The following ROBO1 variants were observed in gnomAD, a reference collection of about 807,000 sequenced individuals.
ROBO1 encodes the protein roundabout guidance receptor 1.
A neutral mutation model predicts 195.9 loss-of-function variants in ROBO1; 149 were observed. That is an observed-to-expected ratio of 0.76 (90% CI 0.67 to 0.87). The LOEUF is 0.87. Ranked by LOEUF, ROBO1 falls within the 40% of genes least tolerant of loss-of-function variation. The pLI, the probability that ROBO1 is intolerant of heterozygous loss-of-function variation, is 0.00. For synonymous variants in ROBO1, 816 were observed against 733.2 expected, an observed-to-expected ratio of 1.11 and a Z score of -1.82; for missense variants, 1,933 against 2,068.3, an observed-to-expected ratio of 0.93 and a Z score of 1.27.
chr3:78,659,889 T>C (rs1467913761), intron 16 of ROBO1, 82 bp from the exon 17 acceptor site: 3 of 1,084,590 alleles, frequency 2.8e-6, no homozygotes, highest in African/African-American at 1.6e-5. Flanking sequence ...AACCCAATAA[T>C]AGATGTATTA....
chr3:79,369,232 CCTT>C (rs2036097089), intron 2 of ROBO1, among the ~76,000 whole-genome samples: 2 of 152,124 alleles, frequency 1.3e-5, no homozygotes, highest in African/African-American at 4.8e-5. Context: ...CTGTCTTTTT[CCTT>C]CTTCCTGCTT....
At chr3:79,520,170 AAAAG>A (rs1187790861) in intron 2 of ROBO1, among the ~76,000 whole-genome samples, 6 of 151,664 alleles carry the variant, frequency 4.0e-5, no homozygotes, top group Admixed American at 3.9e-4. Flanking sequence ...AAAAAAAAAA[AAAAG>A]AGAGAGAGAG....
intron 2 of ROBO1, among the ~76,000 whole-genome samples, chr3:79,501,535 G>C (rs1057230790): frequency 6.6e-6 from 1 of 152,178 alleles, no homozygotes; most frequent in Non-Finnish European, 1.5e-5. Flanking sequence ...TCAGTGGAGA[G>C]AGCAGCTCTG....
chr3:78,672,467 CT>C (rs1323190314), intron 10 of ROBO1, among the ~76,000 whole-genome samples: 4 of 151,606 alleles, frequency 2.6e-5, no homozygotes, highest in Non-Finnish European at 4.4e-5. Flanking sequence ...TGGTGTGCAC[CT>C]GTAGTCCCAG....
At chr3:78,995,243 C>A (rs2077334924) in intron 3 of ROBO1, among the ~76,000 whole-genome samples, 2 of 152,156 alleles carry the variant, frequency 1.3e-5, no homozygotes, top group South Asian at 4.1e-4. Flanking sequence ...TTGATTTCTA[C>A]CTGCAAAGTA....
At position 79,730,927 on chromosome 3, in the gene ROBO1, G is replaced by T. The variant is rs552979352; in HGVS notation, c.-51+36825C>A. 2.5e-3 allele frequency among the ~76,000 whole-genome samples: 382 copies of T among 151,802 alleles called. 3 individuals are homozygous for T. The highest frequency in any genetic ancestry group is 3.6e-3 in the Non-Finnish European group (244 of 67,888). ...CAAGTAGCTGGGACTACAGGTGCCC[G>T]CCACCACGCCCAGCTAATTTTTTGT... is the stretch of plus-strand genomic sequence containing the variant. On this transcript the variant is annotated intron_variant, in intron 1 of 30. Transcript: ENST00000464233.
chr3:79,592,886 C>T (rs1199508362), intron 1 of ROBO1, among the ~76,000 whole-genome samples: 1 of 152,028 alleles, frequency 6.6e-6, no homozygotes, highest in Non-Finnish European at 1.5e-5. Context: ...CTTTGTGCTT[C>T]ATCTATTCAT....
chr3:78,740,089 A>C (rs1283930844), intron 5 of ROBO1, among the ~76,000 whole-genome samples: 1 of 152,156 alleles, frequency 6.6e-6, no homozygotes, highest in Non-Finnish European at 1.5e-5. Flanking sequence ...AAATGGGTGA[A>C]TATACATAAA....
chr3:78,674,850 A>G (rs1708298753), intron 10 of ROBO1, among the ~76,000 whole-genome samples: 1 of 152,110 alleles, frequency 6.6e-6, no homozygotes, highest in African/African-American at 2.4e-5. Flanking sequence ...CCTATATATA[A>G]GTTGCTTTAC....
chr3:78,648,833 T>A (rs1021478240), intron 19 of ROBO1, among the ~76,000 whole-genome samples: 1 of 152,112 alleles, frequency 6.6e-6, no homozygotes, highest in Non-Finnish European at 1.5e-5. Flanking sequence ...CATTTGAACA[T>A]CTCCAAGAAA....
intron 2 of ROBO1, among the ~76,000 whole-genome samples, chr3:79,141,549 A>G (rs1407272423): frequency 7.0e-6 from 1 of 143,744 alleles, no homozygotes; most frequent in African/African-American, 2.6e-5. Flanking sequence ...GAGAGTGGCA[A>G]TGGTGGTTGC....
intron 3 of ROBO1, among the ~76,000 whole-genome samples, chr3:78,971,853 C>T (rs553524032): frequency 2.0e-5 from 3 of 152,260 alleles, no homozygotes; most frequent in Middle Eastern, 3.4e-3. Flanking sequence ...ACAACCTTCG[C>T]CTCCTGGGCT....
chr3:79,601,583 C>T (rs1004402259), intron 1 of ROBO1, among the ~76,000 whole-genome samples: 2 of 151,870 alleles, frequency 1.3e-5, no homozygotes, highest in Non-Finnish European at 2.9e-5. Context: ...CGAACACAGA[C>T]ATGTATGCAA....
At chr3:79,176,231 T>G (rs531291259) in intron 2 of ROBO1, among the ~76,000 whole-genome samples, 12 of 152,224 alleles carry the variant, frequency 7.9e-5, no homozygotes, top group Admixed American at 2.0e-4. Flanking sequence ...TGTTCCCTGA[T>G]GTGTATTTGT....
At chr3:78,783,052 GTTTA>G (rs1050551404) in intron 4 of ROBO1, among the ~76,000 whole-genome samples, 18 of 152,076 alleles carry the variant, frequency 1.2e-4, no homozygotes, top group East Asian at 7.7e-4. Context: ...ATAGATTTTT[GTTTA>G]TTTATTTATT....
intron 1 of ROBO1, among the ~76,000 whole-genome samples, chr3:79,673,763 T>G (rs1263567912): frequency 1.3e-5 from 2 of 151,998 alleles, no homozygotes; most frequent in Admixed American, 6.6e-5. Context: ...TATCCTCATT[T>G]CTCATGTTTG....
chr3:79,554,696 G>A (rs1347142613), intron 2 of ROBO1, among the ~76,000 whole-genome samples: 1 of 152,038 alleles, frequency 6.6e-6, no homozygotes, highest in Non-Finnish European at 1.5e-5. Flanking sequence ...ATGCCAAAGA[G>A]CTGAAAAAGG....
chr3:78,915,124 A>C (rs945469605), intron 4 of ROBO1, among the ~76,000 whole-genome samples: 1 of 152,188 alleles, frequency 6.6e-6, no homozygotes. Flanking sequence ...ACTATCATCT[A>C]TTATGACAAA....
At chr3:78,765,573 GA>G (rs1422570186) in intron 4 of ROBO1, among the ~76,000 whole-genome samples, 1 of 152,038 alleles carries the variant, frequency 6.6e-6, no homozygotes, top group African/African-American at 2.4e-5. Flanking sequence ...TGCCCACAAA[GA>G]GGGAAACAAA....
Sources: gnomAD v4.1 joint callset for allele counts (sites outside exome capture counted in the v4.1 genomes callset) on GRCh38, gnomAD v4.1.1 for gene constraint, MANE v1.5 for transcripts, NCBI Gene and HGNC (gene_info 2026-07-23, HGNC 2026-07-21) for gene names.